Variants in MAF observed in about 807,000 individuals in gnomAD.
MAF encodes MAF bZIP transcription factor, also known as transcription factor Maf.
A neutral mutation model predicts 22.0 loss-of-function variants in MAF; 10 were observed. That is an observed-to-expected ratio of 0.45 (90% CI 0.28 to 0.77). The LOEUF is 0.77. Among genes scored for constraint, MAF ranks in the 30% least tolerant of loss-of-function variants. The pLI is 0.12. For synonymous variants in MAF, 337 were observed against 255.8 expected, an observed-to-expected ratio of 1.32 and a Z score of -3.03; for missense variants, 544 against 548.4, an observed-to-expected ratio of 0.99 and a Z score of 0.08.
chr16:79,564,928 G>A, the MAF span, among the ~76,000 whole-genome samples: 2 of 152,292 alleles, frequency 1.3e-5, no homozygotes, highest in African/African-American at 2.4e-5. Flanking sequence ...TCTGCCTCTG[G>A]TTTTGGGTGG....
chr16:79,573,440 C>T, the MAF span, among the ~76,000 whole-genome samples: 2 of 152,164 alleles, frequency 1.3e-5, no homozygotes, highest in Non-Finnish European at 2.9e-5. Context: ...CTCCTGTTCA[C>T]CTCATAAACC....
chr16:79,344,141 C>A, the MAF span, among the ~76,000 whole-genome samples: 1 of 152,206 alleles, frequency 6.6e-6, no homozygotes, highest in South Asian at 2.1e-4. Flanking sequence ...TTGCTACACA[C>A]CTCCTAAGCA....
chr16:79,592,391 G>A (rs540949867), downstream of MAF, among the ~76,000 whole-genome samples: 1 of 152,306 alleles, frequency 6.6e-6, no homozygotes, highest in Admixed American at 6.5e-5. Flanking sequence ...AGCTGGGGCG[G>A]AGCAATGCCT....
the MAF span, among the ~76,000 whole-genome samples, chr16:79,258,405 G>A: frequency 2.0e-5 from 3 of 152,196 alleles, no homozygotes; most frequent in East Asian, 1.9e-4. Context: ...AAGCGGACAT[G>A]GGCTGACAAA....
At chr16:79,561,698 T>A in the MAF span, among the ~76,000 whole-genome samples, 6 of 152,138 alleles carry the variant, frequency 3.9e-5, no homozygotes, top group Admixed American at 3.9e-4. Flanking sequence ...CCCTACAATG[T>A]CTTGAGGAGA....
chr16:79,538,227 G>C, the MAF span, among the ~76,000 whole-genome samples: 1 of 152,160 alleles, frequency 6.6e-6, no homozygotes. Flanking sequence ...CAAATAAATA[G>C]ATGAATGAAG....
the MAF span, among the ~76,000 whole-genome samples, chr16:79,339,090 G>C: frequency 6.7e-6 from 1 of 150,240 alleles, no homozygotes; most frequent in African/African-American, 2.5e-5. Context: ...TTTATTTTTT[G>C]AGACGGAGTC....
At chr16:79,446,550 T>C in the MAF span, among the ~76,000 whole-genome samples, 2 of 152,200 alleles carry the variant, frequency 1.3e-5, no homozygotes, top group African/African-American at 4.8e-5. Context: ...GAAAATGCTT[T>C]ACAAAAGCTA....
the MAF span, among the ~76,000 whole-genome samples, chr16:79,501,034 A>G: frequency 6.6e-6 from 1 of 152,198 alleles, no homozygotes; most frequent in Non-Finnish European, 1.5e-5. Context: ...TAGGGCTTCC[A>G]TAAAGGGATC....
the MAF span, among the ~76,000 whole-genome samples, chr16:79,423,642 G>C: frequency 6.6e-6 from 1 of 152,188 alleles, no homozygotes. Flanking sequence ...AGTTTCAACA[G>C]AGATAGCATG....
chr16:79,472,235 T>G, the MAF span, among the ~76,000 whole-genome samples: 1 of 152,122 alleles, frequency 6.6e-6, no homozygotes, highest in Non-Finnish European at 1.5e-5. Flanking sequence ...ATTGACAAAA[T>G]GCCATTAGAG....
chr16:79,567,445 G>C, the MAF span, among the ~76,000 whole-genome samples: 5 of 151,858 alleles, frequency 3.3e-5, no homozygotes, highest in Admixed American at 3.3e-4. Context: ...CTGAGAAACG[G>C]ATCCATAGAA....
chr16:79,239,609 C>T, the MAF span, among the ~76,000 whole-genome samples: 5 of 152,004 alleles, frequency 3.3e-5, no homozygotes, highest in Admixed American at 1.3e-4. Context: ...CTACCTAGTC[C>T]GAACCCCTAG....
At chr16:79,463,165 G>C in the MAF span, among the ~76,000 whole-genome samples, 2 of 152,202 alleles carry the variant, frequency 1.3e-5, no homozygotes, top group Non-Finnish European at 2.9e-5. Context: ...ATGGAACAGA[G>C]ATCAGGCCCA....
chr16:79,524,140 GT>G, the MAF span, among the ~76,000 whole-genome samples: 12 of 152,160 alleles, frequency 7.9e-5, 1 homozygote, highest in African/African-American at 2.9e-4. Flanking sequence ...AGCATCCCTG[GT>G]TGCTTTTCCT....
the MAF span, among the ~76,000 whole-genome samples, chr16:79,504,781 G>T: frequency 6.6e-6 from 1 of 152,176 alleles, no homozygotes; most frequent in Non-Finnish European, 1.5e-5. Context: ...TAAAGAAGCT[G>T]TTCTCTGTAT....
At chr16:79,222,636 C>G in the MAF span, among the ~76,000 whole-genome samples, 1 of 152,138 alleles carries the variant, frequency 6.6e-6, no homozygotes, top group Non-Finnish European at 1.5e-5. Flanking sequence ...AAACCCATCT[C>G]ACGTGCAGAG....
the MAF span, among the ~76,000 whole-genome samples, chr16:79,497,888 A>G: frequency 1.3e-5 from 2 of 152,122 alleles, no homozygotes; most frequent in South Asian, 4.2e-4. Context: ...GTTGTTCCCT[A>G]TTGACTCATG....
chr16:79,570,694 G>A, the MAF span, among the ~76,000 whole-genome samples: 7 of 152,174 alleles, frequency 4.6e-5, no homozygotes, highest in East Asian at 1.3e-3. Context: ...ATTCCCTTCT[G>A]CAAATATTCC....
Sources: allele counts gnomAD v4.1 joint callset (sites outside exome capture counted in the v4.1 genomes callset), GRCh38; gene constraint gnomAD v4.1.1; transcripts MANE v1.5; gene names NCBI Gene and HGNC (gene_info 2026-07-23, HGNC 2026-07-21).